Variants in EMCN observed in about 807,000 individuals in gnomAD.
EMCN encodes MUC-14.
Under a neutral mutation model 38.4 loss-of-function variants are expected in EMCN, and 37 were observed. The observed-to-expected ratio is 0.96, with a 90% CI of 0.74 to 1.27. EMCN has a LOEUF of 1.27. Ranked by LOEUF, EMCN falls within the 50% of genes most tolerant of loss-of-function variation. The pLI is 0.00. For synonymous variants in EMCN, 95 were observed against 100.8 expected, an observed-to-expected ratio of 0.94 and a Z score of 0.35; for missense variants, 318 against 302.8, an observed-to-expected ratio of 1.05 and a Z score of -0.37.
chr4:100,406,493 C>T (rs1726394241), intron 11 of EMCN, among the ~76,000 whole-genome samples: 1 of 152,106 alleles, frequency 6.6e-6, no homozygotes, highest in Non-Finnish European at 1.5e-5. Context: ...ATTGTTTACA[C>T]AAAAGTCATT....
Position 100,517,997 on chromosome 4 carries a change from G to A in EMCN, c.-83C>T. The A allele has an allele frequency of 7.3e-7, 1 of 1,361,036 alleles. No homozygotes were observed. Among genetic ancestry groups the A allele is most frequent in the Non-Finnish European group, 1.1e-6 (1 of 950,806 alleles). 84.3% of individuals were successfully genotyped at this position (1,361,036 alleles called of 1,614,324 possible). A position where few individuals can be genotyped will look rare whatever the true frequency, so the allele number is the denominator to read the frequency against. ...CTCCCAGCCTGGCAGGGCCTTATTA[G>A]CAAATGGAAAAGGTGTAGTGAATGT... is the stretch of plus-strand genomic sequence containing the variant. On this transcript the variant is annotated 5_prime_UTR_variant, in exon 1 of 12. Transcript: ENST00000296420.
chr4:100,474,766 G>T (rs1439939666), intron 3 of EMCN, among the ~76,000 whole-genome samples: 1 of 152,172 alleles, frequency 6.6e-6, no homozygotes, highest in East Asian at 1.9e-4. Flanking sequence ...TATATTGTAT[G>T]ATTCCATTTA....
chr4:100,439,524 CT>C (rs1361859632), intron 5 of EMCN, among the ~76,000 whole-genome samples: 2 of 150,710 alleles, frequency 1.3e-5, no homozygotes, highest in Non-Finnish European at 1.5e-5. Flanking sequence ...TTAGTCTTCC[CT>C]TTTTTTCATT....
intron 11 of EMCN, 80 bp downstream of exon 11, chr4:100,410,202 T>G (rs1183615978): frequency 9.9e-7 from 1 of 1,007,768 alleles, no homozygotes; most frequent in East Asian, 2.4e-5. Context: ...TTTGAAATTC[T>G]TTAAAAACAA....
intron 4 of EMCN, among the ~76,000 whole-genome samples, chr4:100,463,207 C>T (rs146272940): frequency 6.6e-6 from 1 of 152,088 alleles, no homozygotes; most frequent in African/African-American, 2.4e-5. Flanking sequence ...CTCTCTGCCT[C>T]GCACAAACAT....
chr4:100,484,174 T>C (rs1728882123), intron 1 of EMCN, among the ~76,000 whole-genome samples: 2 of 152,148 alleles, frequency 1.3e-5, no homozygotes, highest in Admixed American at 6.6e-5. Flanking sequence ...TTTGCTGAGG[T>C]CTTTCCATAG....
intron 7 of EMCN, among the ~76,000 whole-genome samples, chr4:100,421,707 C>A (rs994154211): frequency 1.3e-5 from 2 of 152,006 alleles, no homozygotes; most frequent in Non-Finnish European, 2.9e-5. Flanking sequence ...AATCCTCATT[C>A]ACTCATTACA....
chr4:100,500,974 G>A (rs1484375638), intron 1 of EMCN, among the ~76,000 whole-genome samples: 1 of 151,616 alleles, frequency 6.6e-6, no homozygotes, highest in Non-Finnish European at 1.5e-5. Flanking sequence ...TCATTTTTTG[G>A]TCAGTTATAT....
intron 1 of EMCN, among the ~76,000 whole-genome samples, chr4:100,507,671 C>G (rs1037052197): frequency 6.6e-6 from 1 of 152,168 alleles, no homozygotes; most frequent in East Asian, 1.9e-4. Flanking sequence ...TCCCAGCTTC[C>G]CAGCTGTCTT....
At chr4:100,443,338 T>C (rs983208439) in intron 5 of EMCN, among the ~76,000 whole-genome samples, 9 of 152,236 alleles carry the variant, frequency 5.9e-5, no homozygotes, top group Admixed American at 3.3e-4. Flanking sequence ...GGGAAGACTT[T>C]CAGTTGCATA....
At chr4:100,411,322 A>C (rs991801626) in intron 10 of EMCN, among the ~76,000 whole-genome samples, 3 of 152,298 alleles carry the variant, frequency 2.0e-5, no homozygotes, top group Non-Finnish European at 4.4e-5. Flanking sequence ...TTCGTTTTGC[A>C]GAAGACACAG....
At chr4:100,469,727 A>G (rs1443780103) in intron 3 of EMCN, among the ~76,000 whole-genome samples, 1 of 151,928 alleles carries the variant, frequency 6.6e-6, no homozygotes, top group Non-Finnish European at 1.5e-5. Flanking sequence ...TTTGTTGAAG[A>G]TTAGATAGTG....
chr4:100,404,045 C>T, intron 11 of EMCN, among the ~76,000 whole-genome samples: 1 of 152,038 alleles, frequency 6.6e-6, no homozygotes, highest in Non-Finnish European at 1.5e-5. Context: ...TTGATAGTTT[C>T]TTAGGCTGTG....
intron 5 of EMCN, among the ~76,000 whole-genome samples, chr4:100,441,761 A>G (rs748812769): frequency 1.3e-5 from 2 of 152,182 alleles, no homozygotes; most frequent in African/African-American, 2.4e-5. Context: ...TGTTGCATAC[A>G]AAAACTCTAT....
At chr4:100,456,750 G>T (rs567971014) in intron 4 of EMCN, among the ~76,000 whole-genome samples, 2 of 152,120 alleles carry the variant, frequency 1.3e-5, no homozygotes, top group East Asian at 1.9e-4. Flanking sequence ...TGATAGTAAC[G>T]AATTCTTATC....
At chr4:100,486,912 A>G (rs1728957649) in intron 1 of EMCN, 1 of 985,340 alleles carries the variant, frequency 1.0e-6, no homozygotes, top group Non-Finnish European at 1.2e-6. Context: ...TTCCTTCACA[A>G]ATGGATAATT....
intron 11 of EMCN, among the ~76,000 whole-genome samples, chr4:100,409,198 G>A (rs1012063339): frequency 1.3e-5 from 2 of 151,734 alleles, no homozygotes; most frequent in Admixed American, 6.6e-5. Context: ...TTGTGGTCAG[G>A]CCAATTCTGG....
chr4:100,451,738 T>C (rs1373507354), intron 4 of EMCN, among the ~76,000 whole-genome samples: 2 of 152,038 alleles, frequency 1.3e-5, no homozygotes, highest in Non-Finnish European at 2.9e-5. Context: ...TTAGTGTTTC[T>C]GAACTTGTTT....
intron 11 of EMCN, 58 bp downstream of exon 11, chr4:100,410,224 C>A: frequency 4.3e-6 from 5 of 1,172,576 alleles, no homozygotes; most frequent in Non-Finnish European, 6.4e-6. Context: ...CTAAGCTGCA[C>A]CAGGCTAACA....
Sources: gnomAD v4.1 joint callset for allele counts (sites outside exome capture counted in the v4.1 genomes callset) on GRCh38, gnomAD v4.1.1 for gene constraint, MANE v1.5 for transcripts, NCBI Gene and HGNC (gene_info 2026-07-23, HGNC 2026-07-21) for gene names.